SPIRE1: variants seen among roughly 807,000 people sequenced by gnomAD.
SPIRE1 encodes the protein protein spire homolog 1.
SPIRE1 carries 40 observed loss-of-function variants against 94.1 expected under a neutral mutation model. The ratio of observed to expected loss-of-function variants is 0.43; its 90% CI spans 0.33 to 0.55. The LOEUF (loss-of-function observed/expected upper bound fraction) is 0.55, where lower values mean the gene tolerates loss of function less well. Ranked by LOEUF, SPIRE1 falls within the 20% of genes least tolerant of loss-of-function variation. The pLI is 0.06. For missense variants in SPIRE1, 838 were observed against 975.2 expected, an observed-to-expected ratio of 0.86 and a Z score of 1.87; for synonymous variants, 376 against 371.7, an observed-to-expected ratio of 1.01 and a Z score of -0.13.
intron 3 of SPIRE1, among the ~76,000 whole-genome samples, chr18:12,543,317 C>T (rs2035062587): frequency 6.6e-6 from 1 of 152,196 alleles, no homozygotes; most frequent in Non-Finnish European, 1.5e-5. Flanking sequence ...AAAGATCTCA[C>T]TGTGTCACCC....
chr18:12,529,519 A>G (rs1207616987), intron 4 of SPIRE1, among the ~76,000 whole-genome samples: 2 of 152,194 alleles, frequency 1.3e-5, no homozygotes, highest in Admixed American at 6.5e-5. Flanking sequence ...GAAGCGTTTA[A>G]TATGTCAAGA....
intron 1 of SPIRE1, among the ~76,000 whole-genome samples, chr18:12,639,001 T>C (rs1223896361): frequency 2.0e-5 from 3 of 152,210 alleles, no homozygotes; most frequent in African/African-American, 7.2e-5. Flanking sequence ...AATGCAAGAA[T>C]GGACTAATAT....
chr18:12,598,229 T>C (rs8094715), intron 2 of SPIRE1, among the ~76,000 whole-genome samples: 3,260 of 152,324 alleles, frequency 0.021, 118 homozygotes, highest in African/African-American at 0.07. Context: ...AATCTAAAAT[T>C]CTTTTTGAAT....
At chr18:12,535,776 G>A (rs9964133) in intron 3 of SPIRE1, among the ~76,000 whole-genome samples, 175 bp from the exon 4 acceptor site, 1,982 of 152,218 alleles carry the variant, frequency 0.013, 51 homozygotes, top group African/African-American at 0.044. Flanking sequence ...CCAACATGGT[G>A]AAACCCTGTC....
At position 12,449,589 on chromosome 18, in the gene SPIRE1, G is replaced by A. The variant is rs372906715; in HGVS notation, c.*49C>T. The A allele has an allele frequency of 1.0e-5, 16 of 1,580,156 alleles. No individual in the cohort carries two copies. The Admixed American group carries it at 1.2e-4, about 12-fold the overall frequency. ...AGAGCCAGCCCGGCTCAGTGTCCTCGCGCACGGACGCTGACTCGTAGCACA... is the reference window on the plus strand; with the variant it reads ...AGAGCCAGCCCGGCTCAGTGTCCTCACGCACGGACGCTGACTCGTAGCACA... On this transcript the variant is annotated 3_prime_UTR_variant, in exon 17 of 17. Transcript: ENST00000409402.
At chr18:12,621,074 G>A (rs1050223482) in intron 2 of SPIRE1, among the ~76,000 whole-genome samples, 3 of 152,098 alleles carry the variant, frequency 2.0e-5, no homozygotes, top group African/African-American at 7.2e-5. Context: ...GGGGAGTGGG[G>A]GGCAAAGGAT....
At chr18:12,519,283 G>A (rs2034290758) in intron 4 of SPIRE1, among the ~76,000 whole-genome samples, 2 of 152,080 alleles carry the variant, frequency 1.3e-5, no homozygotes, top group Admixed American at 1.3e-4. Context: ...CTAGGTTCTA[G>A]GAAAGGAATT....
intron 2 of SPIRE1, among the ~76,000 whole-genome samples, chr18:12,576,698 G>A (rs868340266): frequency 4.1e-4 from 62 of 151,482 alleles, no homozygotes; most frequent in Middle Eastern, 3.5e-3. Context: ...GACCATCCTG[G>A]CTAACACGGT....
At position 12,535,488 on chromosome 18, in the gene SPIRE1, C is replaced by T; in HGVS notation, c.717G>A (p.Lys239=). 6.2e-7 allele frequency: 1 copy of T among 1,612,914 alleles called. No individual in the cohort carries two copies. The highest frequency in any genetic ancestry group is 8.5e-7 in the Non-Finnish European group (1 of 1,179,178). ...MELHTFLTKI[K]SAKENLKKIQ... is the part of the protein sequence containing the mutation. ...CAGTAGTACTCACCTCTTTCGCACT[C>T]TTAATTTTGGTCAGAAATGTATGGA... Residue 239 remains lysine (K), a synonymous_variant, in exon 4 of 17, where the codon AAG becomes AAA. Coordinates refer to ENST00000409402, the MANE Select transcript of SPIRE1 (RefSeq NM_001128626.2).
At chr18:12,642,515 A>G (rs986467983) in intron 1 of SPIRE1, among the ~76,000 whole-genome samples, 4 of 152,098 alleles carry the variant, frequency 2.6e-5, no homozygotes, top group African/African-American at 9.7e-5. Context: ...CAAAATTTGG[A>G]TATTATCTTT....
chr18:12,512,891 C>G (rs969940252), intron 4 of SPIRE1, among the ~76,000 whole-genome samples: 1 of 151,590 alleles, frequency 6.6e-6, no homozygotes, highest in African/African-American at 2.4e-5. Context: ...CCCGGATGCT[C>G]TCCTTTCCTC....
intron 5 of SPIRE1, among the ~76,000 whole-genome samples, chr18:12,509,751 C>A (rs951595643): frequency 1.4e-4 from 21 of 152,186 alleles, no homozygotes; most frequent in African/African-American, 4.6e-4. Context: ...GATGAAATCT[C>A]AAAACAATTA....
At chr18:12,522,932 T>C (rs772445536) in intron 4 of SPIRE1, among the ~76,000 whole-genome samples, 29 of 152,178 alleles carry the variant, frequency 1.9e-4, no homozygotes, top group Non-Finnish European at 1.2e-4. Context: ...TACAGCCCCA[T>C]GGACCAAGGA....
intron 7 of SPIRE1, among the ~76,000 whole-genome samples, 180 bp from the exon 8 acceptor site, chr18:12,493,381 A>C (rs2033312118): frequency 1.3e-5 from 2 of 152,178 alleles, no homozygotes; most frequent in Admixed American, 6.5e-5. Context: ...ACTGGATATC[A>C]GAGTGATTTG....
chr18:12,643,179 T>G (rs1364815449), intron 1 of SPIRE1, among the ~76,000 whole-genome samples: 3 of 152,220 alleles, frequency 2.0e-5, no homozygotes, highest in Non-Finnish European at 4.4e-5. Context: ...GCCACATTTC[T>G]GACACTCCTG....
At chr18:12,620,339 G>A (rs9954054) in intron 2 of SPIRE1, among the ~76,000 whole-genome samples, 85,038 of 151,950 alleles carry the variant, frequency 0.56, 24,972 homozygotes, top group Middle Eastern at 0.76. Flanking sequence ...TCTAAAATTC[G>A]TATGACAATC....
At chr18:12,597,610 A>C (rs186468832) in intron 2 of SPIRE1, among the ~76,000 whole-genome samples, 2 of 152,328 alleles carry the variant, frequency 1.3e-5, no homozygotes, top group African/African-American at 4.8e-5. Flanking sequence ...GTTTGGAAGA[A>C]GAAATAATTT....
chr18:12,637,001 G>C (rs1271022078), intron 1 of SPIRE1, among the ~76,000 whole-genome samples: 1 of 152,194 alleles, frequency 6.6e-6, no homozygotes, highest in Non-Finnish European at 1.5e-5. Flanking sequence ...TGCATGGGGG[G>C]AAGAGAGAGA....
intron 12 of SPIRE1, among the ~76,000 whole-genome samples, chr18:12,463,075 T>C (rs758545291): frequency 9.2e-5 from 14 of 151,872 alleles, no homozygotes; most frequent in Admixed American, 7.9e-4. Flanking sequence ...TTATTATTAT[T>C]TTTTTTTGCA....
Sources: allele counts gnomAD v4.1 joint callset (sites outside exome capture counted in the v4.1 genomes callset), GRCh38; gene constraint gnomAD v4.1.1; transcripts MANE v1.5; gene names NCBI Gene and HGNC (gene_info 2026-07-23, HGNC 2026-07-21).